CTDP1: variants seen among roughly 807,000 people sequenced by gnomAD.
The protein encoded by CTDP1 is RNA polymerase II subunit A C-terminal domain phosphatase.
A neutral mutation model predicts 91.8 loss-of-function variants in CTDP1; 47 were observed. The ratio of observed to expected loss-of-function variants is 0.51; its 90% CI spans 0.41 to 0.65. The LOEUF is 0.65. Ranked by LOEUF, CTDP1 falls within the 30% of genes least tolerant of loss-of-function variation. CTDP1 has a pLI of 0.00. For synonymous variants in CTDP1, 656 were observed against 598.5 expected (o/e 1.10, Z -1.40); for missense variants, 1,272 against 1,373.7 (o/e 0.93, Z 1.17).
chr18:79,731,493 A>G (rs1300139398), intron 11 of CTDP1, among the ~76,000 whole-genome samples: 1 of 152,170 alleles, frequency 6.6e-6, no homozygotes, highest in African/African-American at 2.4e-5. Context: ...ATGTGTGCCC[A>G]GTTCCTTGAG....
upstream of CTDP1, chr18:79,679,235 G>C (rs890820924): frequency 5.6e-6 from 2 of 359,824 alleles, no homozygotes; most frequent in African/African-American, 2.2e-5. Context: ...TCGAAGGTGA[G>C]GTCGGAGGAA....
rs377684676 is a variant in CTDP1 at position 79,714,779 on chromosome 18, G to A, written c.1319G>A (p.Arg440Gln). 8.1e-6 allele frequency: 13 copies of A among 1,603,190 alleles called. No homozygotes were observed. The highest frequency in any genetic ancestry group is 2.2e-5 in the East Asian group (1 of 44,460). ...GGTGGCCGGGTGGCACCGGGACAGC[G>A]GCCTGCCCAGGGTGCCACGGGCACT... ...AQGGRVAPGQ[R>Q]PAQGATGTDL... is the part of the protein sequence containing the mutation. The change falls in exon 8 of 13, where the codon CGG becomes CAG. Residue 440 changes from arginine to glutamine, a missense_variant. Arg to Gln is a conservative substitution (Grantham distance 43). Around this residue, in one of 3 missense-constraint regions of CTDP1, gnomAD observed 881 missense variants for 911.6 expected, o/e 0.97. Coordinates refer to ENST00000613122, the MANE Select transcript of CTDP1 (RefSeq NM_004715.5).
At chr18:79,707,302 G>A (rs2085986491) in intron 5 of CTDP1, among the ~76,000 whole-genome samples, 1 of 152,194 alleles carries the variant, frequency 6.6e-6, no homozygotes, top group South Asian at 2.1e-4. Context: ...TGACGAGAAC[G>A]CCATGTTTCT....
Position 79,728,530 on chromosome 18 carries a change from T to C in CTDP1, c.2418-377T>C, listed in dbSNP as rs114643425. On this transcript the variant is annotated intron_variant, in intron 10 of 12. Coordinates refer to ENST00000613122, the MANE Select transcript of CTDP1 (RefSeq NM_004715.5). Reference sequence around the variant, plus strand: ...TTGCCGTGTAGCTCTCCGGACCCTATTTTGAGGGTGAATGACATGTCCTGG... The same window carrying C: ...TTGCCGTGTAGCTCTCCGGACCCTACTTTGAGGGTGAATGACATGTCCTGG... Among the ~76,000 whole-genome samples the C allele has an allele frequency of 1.7e-3, 265 of 152,122 alleles. 1 individual carries two copies. Among genetic ancestry groups the C allele is most frequent in the African/African-American group, 6.0e-3 (248 of 41,496 alleles).
chr18:79,754,276 C>A lies in CTDP1; in HGVS notation c.*486C>A. On this transcript the variant is annotated 3_prime_UTR_variant, in exon 13 of 13. Coordinates refer to ENST00000613122, the MANE Select transcript of CTDP1 (RefSeq NM_004715.5). ...TAGGGAACCCATTTCCGGGGAACGC[C>A]GTGACTGTCGGGCAGCCTGGAGCTT... is the stretch of plus-strand genomic sequence containing the variant. 5.0e-6 allele frequency: 1 copy of A among 200,002 alleles called. No individual in the cohort carries two copies. The highest frequency in any genetic ancestry group is 1.0e-5 in the Non-Finnish European group (1 of 95,616). 12.4% of individuals were successfully genotyped at this position (200,002 alleles called of 1,614,324 possible). A position where few individuals can be genotyped will look rare whatever the true frequency, so the allele number is the denominator to read the frequency against.
intron 11 of CTDP1, among the ~76,000 whole-genome samples, chr18:79,734,872 A>G (rs986447022): frequency 5.3e-5 from 8 of 152,194 alleles, no homozygotes; most frequent in Non-Finnish European, 1.2e-4. Context: ...ATACCATTCC[A>G]TGCCAGCGTC....
intron 11 of CTDP1, among the ~76,000 whole-genome samples, chr18:79,734,591 G>C (rs992937810): frequency 6.6e-6 from 1 of 151,078 alleles, no homozygotes; most frequent in Admixed American, 6.6e-5. Context: ...CGCCACACTA[G>C]CGAGGGTCCC....
At chr18:79,690,116 T>C (rs184344634) in intron 1 of CTDP1, among the ~76,000 whole-genome samples, 1 of 152,136 alleles carries the variant, frequency 6.6e-6, no homozygotes, top group Non-Finnish European at 1.5e-5. Flanking sequence ...ACTCAGAATG[T>C]TGGAACTTAG....
chr18:79,692,624 G>A (rs1390891049), intron 1 of CTDP1, among the ~76,000 whole-genome samples: 1 of 152,216 alleles, frequency 6.6e-6, no homozygotes, highest in Non-Finnish European at 1.5e-5. Context: ...CCTTGCAGGG[G>A]GTAGAGCAAG....
At chr18:79,690,896 A>G (rs2085606916) in intron 1 of CTDP1, among the ~76,000 whole-genome samples, 1 of 152,210 alleles carries the variant, frequency 6.6e-6, no homozygotes, top group African/African-American at 2.4e-5. Flanking sequence ...CGACGTGGCC[A>G]GTATGCGAGT....
chr18:79,720,564 C>G (rs1599267566), intron 10 of CTDP1, among the ~76,000 whole-genome samples: 1 of 152,174 alleles, frequency 6.6e-6, no homozygotes, highest in Admixed American at 6.5e-5. Flanking sequence ...ATGTCACCTC[C>G]CATCGTGTCC....
At chr18:79,751,561 C>T (rs1446040442) in intron 12 of CTDP1, among the ~76,000 whole-genome samples, 1 of 152,210 alleles carries the variant, frequency 6.6e-6, no homozygotes. Context: ...TCCATCTGAT[C>T]AGCTGATTTT....
At position 79,713,144 on chromosome 18, in the gene CTDP1, T is replaced by A; in HGVS notation, c.1030+6T>A. 1 of 1,613,654 alleles carries A rather than the reference T, an allele frequency of 6.2e-7. No homozygotes were observed. The highest frequency in any genetic ancestry group is 8.5e-7 in the Non-Finnish European group (1 of 1,179,692). Reference sequence around the variant, plus strand: ...ATCTCAGACGAGAAAGAAAGGTGGGTAACCTCCTTCCTGATTCTCTAGAAG... The same window carrying A: ...ATCTCAGACGAGAAAGAAAGGTGGGAAACCTCCTTCCTGATTCTCTAGAAG... On this transcript the variant is annotated splice_donor_region_variant and intron_variant, in intron 7 of 12. Coordinates refer to ENST00000613122, the MANE Select transcript of CTDP1 (RefSeq NM_004715.5). The surrounding 1 kb of genome is among the most constrained non-coding windows in gnomAD (Gnocchi z 4.7).
chr18:79,689,489 C>G (rs1336700357), intron 1 of CTDP1, among the ~76,000 whole-genome samples: 1 of 148,632 alleles, frequency 6.7e-6, no homozygotes, highest in Admixed American at 6.6e-5. Context: ...GACTTTCTGC[C>G]GTAAGAACAA....
intron 1 of CTDP1, 97 bp downstream of exon 1, chr18:79,680,358 C>A: frequency 9.7e-7 from 1 of 1,031,232 alleles, no homozygotes; most frequent in South Asian, 4.3e-5. Context: ...GGCAGGGGCG[C>A]CCCTGGTGAG....
intron 12 of CTDP1, 55 bp downstream of exon 12, chr18:79,736,576 C>A: frequency 6.8e-7 from 1 of 1,464,996 alleles, no homozygotes; most frequent in South Asian, 1.3e-5. Context: ...GGAGGTGACT[C>A]TGCAGTTGGT....
chr18:79,706,495 G>A (rs370785236), intron 5 of CTDP1, among the ~76,000 whole-genome samples: 2 of 152,054 alleles, frequency 1.3e-5, no homozygotes, highest in East Asian at 3.9e-4. Flanking sequence ...GTCAGGGAAA[G>A]ACTAAAAACC....
intron 8 of CTDP1, among the ~76,000 whole-genome samples, chr18:79,716,436 A>G (rs1160830399): frequency 6.6e-6 from 1 of 152,212 alleles, no homozygotes; most frequent in East Asian, 1.9e-4. Flanking sequence ...CTCAGTGTGA[A>G]ATAGCCAGGT....
At chr18:79,744,821 C>A (rs2086847347) in intron 12 of CTDP1, among the ~76,000 whole-genome samples, 1 of 152,066 alleles carries the variant, frequency 6.6e-6, no homozygotes, top group African/African-American at 2.4e-5. Context: ...TGGGAGGATG[C>A]TGCCCCTGGA....
Sources: gnomAD v4.1 joint callset for allele counts (sites outside exome capture counted in the v4.1 genomes callset) on GRCh38, gnomAD v4.1.1 for gene constraint, gnomAD v4.1.1 regional missense constraint, Gnocchi (gnomAD v3.1) non-coding constraint, MANE v1.5 for transcripts, NCBI Gene and HGNC (gene_info 2026-07-23, HGNC 2026-07-21) for gene names.